The following PLXNA1 variants were observed in gnomAD, a reference collection of about 807,000 sequenced individuals.
The protein encoded by PLXNA1 is plexin A1, also known as plexin-A1.
In PLXNA1, 77 loss-of-function variants were observed where a neutral mutation model predicts 191.7. The observed-to-expected ratio is 0.40, with a 90% CI of 0.33 to 0.49. The LOEUF (loss-of-function observed/expected upper bound fraction) is 0.49. PLXNA1 is among the 20% of genes least tolerant of loss of function. The pLI is 0.63. For synonymous variants in PLXNA1, 1,137 were observed against 1,156.4 expected (o/e 0.98, Z 0.34); for missense variants, 2,110 against 2,660.2 (o/e 0.79, Z 4.55).
At chr3:127,016,465 C>G (rs1170401420) in intron 15 of PLXNA1, 52 bp from the exon 16 acceptor site, 1 of 1,570,318 alleles carries the variant, frequency 6.4e-7, no homozygotes, top group Non-Finnish European at 8.7e-7. Flanking sequence ...TGCATTCCAC[C>G]TGCCTGGGTT....
At position 127,030,404 on chromosome 3, in the gene PLXNA1, G is replaced by C; in HGVS notation, c.5223G>C (p.Lys1741Asn). 1 of 1,613,902 alleles carries C rather than the reference G, an allele frequency of 6.2e-7. No homozygotes were observed. The highest frequency in any genetic ancestry group is 8.5e-7 in the Non-Finnish European group (1 of 1,179,982). The change falls in exon 29 of 32, where the codon AAG becomes AAC. Residue 1741 changes from lysine (K) to asparagine (N), a missense_variant. Coordinates refer to ENST00000393409, the MANE Select transcript of PLXNA1 (RefSeq NM_032242.4). ...IHDADVRHTWKSNCLPLRFWV... is the reference protein window; with the variant it reads ...IHDADVRHTWNSNCLPLRFWV... ...ATGCTGACGTGCGCCACACCTGGAAGAGCAACTGGTAATGCAGGGCAGGGG... is the reference window on the plus strand; with the variant it reads ...ATGCTGACGTGCGCCACACCTGGAACAGCAACTGGTAATGCAGGGCAGGGG...
At chr3:127,028,473 G>A (rs562743667) in intron 25 of PLXNA1, 133 bp downstream of exon 25, 2 of 1,004,246 alleles carry the variant, frequency 2.0e-6, no homozygotes, top group Non-Finnish European at 2.8e-6. Flanking sequence ...GCAGTGGAAT[G>A]GCGAGTGGGC....
chr3:126,986,819 G>C (rs2078961546), intron 1 of PLXNA1, among the ~76,000 whole-genome samples: 1 of 152,226 alleles, frequency 6.6e-6, no homozygotes, highest in Non-Finnish European at 1.5e-5. Flanking sequence ...CTGCATGTGG[G>C]CACCAGGCAC....
At chr3:127,001,757 G>T (rs1427311069) in intron 3 of PLXNA1, among the ~76,000 whole-genome samples, 2 of 152,220 alleles carry the variant, frequency 1.3e-5, no homozygotes, top group East Asian at 3.9e-4. Context: ...GGCCACCCTG[G>T]GTCCCCCTGC....
intron 20 of PLXNA1, among the ~76,000 whole-genome samples, chr3:127,019,664 G>A (rs549045901): frequency 1.2e-4 from 18 of 152,316 alleles, no homozygotes; most frequent in Admixed American, 6.5e-4. Flanking sequence ...CCTGATCCTC[G>A]GGCTGCCACA....
Position 127,017,631 on chromosome 3 carries a change from G to T in PLXNA1, c.3483G>T (p.Leu1161=). The change falls in exon 18 of 32, where the codon CTG becomes CTT. Residue 1161 remains leucine, a synonymous_variant. Transcript: ENST00000393409. ...VLEPLSPTGL[L]ELKPSSPLIL... The stretch of plus-strand genomic sequence containing the variant: ...AGCCACTCAGCCCCACTGGCCTGCT[G>T]GAGCTGAAGCCCAGCTCCCCACTCA... 6.2e-7 allele frequency: 1 copy of T among 1,613,574 alleles called. No homozygotes were observed. The highest frequency in any genetic ancestry group is 2.2e-5 in the East Asian group (1 of 44,860).
intron 7 of PLXNA1, among the ~76,000 whole-genome samples, chr3:127,005,747 G>A (rs1335691685): frequency 1.3e-5 from 2 of 152,062 alleles, no homozygotes; most frequent in African/African-American, 2.4e-5. Flanking sequence ...CAGGTTGGGT[G>A]GGGGACAGTC....
In PLXNA1 at chr3:127,030,257, G is replaced by A. The variant is rs1385337517; in HGVS notation, c.5076G>A (p.Lys1692=). 6.2e-7 allele frequency: 1 copy of A among 1,613,618 alleles called. No homozygotes were observed. The highest frequency in any genetic ancestry group is 8.5e-7 in the Non-Finnish European group (1 of 1,179,986). ...RLLATKGTLQ[K]FVDDLFETIF... is the part of the protein sequence containing the mutation. The stretch of plus-strand genomic sequence containing the variant: ...GCCCCCCGCAGGGCACACTGCAGAA[G>A]TTTGTGGACGACCTGTTTGAGACCA... The change falls in exon 29 of 32, where the codon AAG becomes AAA. Residue 1692 remains lysine, a synonymous_variant. Coordinates refer to ENST00000393409, the MANE Select transcript of PLXNA1 (RefSeq NM_032242.4).
At chr3:127,033,901 A>G in intron 31 of PLXNA1, 21 bp from the exon 32 acceptor site, 1 of 1,575,312 alleles carries the variant, frequency 6.3e-7, no homozygotes, top group Non-Finnish European at 8.6e-7. Flanking sequence ...CGGCATGCTG[A>G]CAGTTCTCCT....
intron 15 of PLXNA1, 101 bp from the exon 16 acceptor site, chr3:127,016,416 G>A (rs1214839587): frequency 3.9e-6 from 4 of 1,033,114 alleles, no homozygotes; most frequent in Non-Finnish European, 5.9e-6. Flanking sequence ...GGCAGTACCT[G>A]TGACAGATGG....
chr3:127,011,552 G>A (rs915004347), intron 9 of PLXNA1, among the ~76,000 whole-genome samples: 5 of 152,312 alleles, frequency 3.3e-5, no homozygotes, highest in African/African-American at 9.6e-5. Context: ...TATTGTTGCC[G>A]AAATGCTGGC....
intron 23 of PLXNA1, among the ~76,000 whole-genome samples, chr3:127,023,847 G>C (rs535992364): frequency 3.8e-4 from 58 of 152,186 alleles, no homozygotes; most frequent in East Asian, 1.2e-3. Flanking sequence ...AAGACCAGGC[G>C]GGGGGAGGGA....
At chr3:126,985,021 T>C (rs912221038) in intron 1 of PLXNA1, among the ~76,000 whole-genome samples, 5 of 151,490 alleles carry the variant, frequency 3.3e-5, no homozygotes, top group Non-Finnish European at 5.9e-5. Context: ...GCAGCTGTCT[T>C]CCCCCCCGGC....
At chr3:127,016,750 T>C in intron 16 of PLXNA1, 66 bp downstream of exon 16, 1 of 1,568,738 alleles carries the variant, frequency 6.4e-7, no homozygotes, top group East Asian at 2.2e-5. Context: ...CAGGAGCTCT[T>C]CCACTGGGCA....
At chr3:127,003,174 G>A (rs1449280924) in intron 3 of PLXNA1, among the ~76,000 whole-genome samples, 156 bp from the exon 4 acceptor site, 1 of 152,058 alleles carries the variant, frequency 6.6e-6, no homozygotes, top group East Asian at 1.9e-4. Flanking sequence ...TGGGGCTGGG[G>A]ATGTGGAGAG....
intron 31 of PLXNA1, 28 bp from the exon 32 acceptor site, chr3:127,033,894 C>A: frequency 6.4e-7 from 1 of 1,560,872 alleles, no homozygotes; most frequent in Non-Finnish European, 8.7e-7. Flanking sequence ...GGTGGCCCGG[C>A]ATGCTGACAG....
intron 4 of PLXNA1, among the ~76,000 whole-genome samples, chr3:127,004,399 C>T (rs1331292573): frequency 6.6e-6 from 1 of 152,230 alleles, no homozygotes; most frequent in Non-Finnish European, 1.5e-5. Context: ...ACTGTTCTCT[C>T]TGGCTGCTGC....
chr3:126,984,780 G>T (rs2078949349), intron 1 of PLXNA1, among the ~76,000 whole-genome samples: 1 of 152,222 alleles, frequency 6.6e-6, no homozygotes, highest in South Asian at 2.1e-4. Context: ...GCCCCCCAAG[G>T]TCGTTGCCTG....
chr3:127,003,353 C>T lies in PLXNA1; in HGVS notation c.1401C>T (p.Pro467=), dbSNP rs146324374. The stretch of plus-strand genomic sequence containing the variant: ...AGATCCTGGTGGACCTCTCAAACCC[C>T]GGTGGCCGGCCTGCCCTGGCCTACG... ...IRKILVDLSN[P]GGRPALAYES... The change falls in exon 4 of 32, where the codon CCC becomes CCT. Residue 467 remains proline (P), a synonymous_variant. Transcript: ENST00000393409. 2,194 of 1,606,478 alleles carry T rather than the reference C, an allele frequency of 1.4e-3. 3 individuals carry two copies. The highest frequency in any genetic ancestry group is 1.7e-3 in the Non-Finnish European group (1,973 of 1,175,224).
Sources: gnomAD v4.1 joint callset for allele counts (sites outside exome capture counted in the v4.1 genomes callset) on GRCh38, gnomAD v4.1.1 for gene constraint, MANE v1.5 for transcripts, NCBI Gene and HGNC (gene_info 2026-07-23, HGNC 2026-07-21) for gene names.